Variants in LRP1B observed in about 807,000 individuals in gnomAD.
LRP1B encodes the protein low-density lipoprotein receptor-related protein 1B.
In LRP1B, 217 loss-of-function variants were observed where a neutral mutation model predicts 556.6. The observed-to-expected ratio is 0.39, with a 90% confidence interval of 0.35 to 0.44. LRP1B has a LOEUF of 0.44. LRP1B is among the 20% of genes least tolerant of loss of function. The pLI is 1.00. For synonymous variants in LRP1B, 2,047 were observed against 1,865.8 expected (o/e 1.10, Z -2.50); for missense variants, 5,053 against 5,620.8 (o/e 0.90, Z 3.23).
intron 1 of LRP1B, among the ~76,000 whole-genome samples, chr2:141,914,981 A>G (rs1459654501): frequency 1.3e-5 from 2 of 152,194 alleles, no homozygotes; most frequent in African/African-American, 4.8e-5. Flanking sequence ...ATCATTTTTC[A>G]TAGAATTAGA....
At chr2:141,245,565 G>T (rs1413518166) in intron 5 of LRP1B, among the ~76,000 whole-genome samples, 1 of 152,118 alleles carries the variant, frequency 6.6e-6, no homozygotes, top group Admixed American at 6.5e-5. Context: ...TACCTTTGGA[G>T]GAAGTTAGAA....
chr2:141,919,141 T>C (rs1308408232), intron 1 of LRP1B, among the ~76,000 whole-genome samples: 5 of 152,250 alleles, frequency 3.3e-5, no homozygotes, highest in African/African-American at 9.6e-5. Context: ...GTTTTACACT[T>C]GTGTATTGGA....
chr2:140,899,740 C>T (rs922771244), intron 23 of LRP1B, among the ~76,000 whole-genome samples: 1 of 152,072 alleles, frequency 6.6e-6, no homozygotes, highest in African/African-American at 2.4e-5. Flanking sequence ...AAAATGTTCC[C>T]CAAGGCTGCA....
intron 2 of LRP1B, among the ~76,000 whole-genome samples, chr2:141,783,787 G>C (rs1171387145): frequency 6.6e-6 from 1 of 151,410 alleles, no homozygotes; most frequent in Non-Finnish European, 1.5e-5. Context: ...ATTAGATTTG[G>C]TACTAAAATG....
chr2:141,783,185 G>GTA, intron 2 of LRP1B, among the ~76,000 whole-genome samples: 1 of 152,118 alleles, frequency 6.6e-6, no homozygotes, highest in South Asian at 2.1e-4. Flanking sequence ...ATAATTTACC[G>GTA]TATCCCCAGC....
At chr2:141,318,016 A>G (rs1280642646) in intron 3 of LRP1B, among the ~76,000 whole-genome samples, 2 of 152,166 alleles carry the variant, frequency 1.3e-5, no homozygotes, top group African/African-American at 4.8e-5. Context: ...TGCAGTCAAA[A>G]CAACAAAACA....
At chr2:140,583,057 C>A (rs1564933) in intron 43 of LRP1B, among the ~76,000 whole-genome samples, 78,391 of 151,726 alleles carry the variant, frequency 0.52, 20,752 homozygotes, top group Admixed American at 0.6. Flanking sequence ...AGATTGTACA[C>A]ATTTGCAGTA....
At chr2:140,556,390 C>T (rs1360122889) in intron 43 of LRP1B, among the ~76,000 whole-genome samples, 2 of 151,960 alleles carry the variant, frequency 1.3e-5, no homozygotes, top group African/African-American at 2.4e-5. Flanking sequence ...TCTGAATAAA[C>T]AGGCCTTACT....
At chr2:141,672,220 G>A (rs1199479572) in intron 2 of LRP1B, among the ~76,000 whole-genome samples, 2 of 151,918 alleles carry the variant, frequency 1.3e-5, no homozygotes, top group African/African-American at 4.8e-5. Context: ...GATAATAATG[G>A]CTAGAGTTTC....
intron 41 of LRP1B, among the ~76,000 whole-genome samples, chr2:140,638,812 T>C (rs1684168700): frequency 6.6e-6 from 1 of 151,124 alleles, no homozygotes; most frequent in South Asian, 2.1e-4. Context: ...CATATATACA[T>C]GTATATATAC....
chr2:141,069,168 C>T (rs1010860016), intron 7 of LRP1B, among the ~76,000 whole-genome samples: 14 of 152,008 alleles, frequency 9.2e-5, no homozygotes, highest in African/African-American at 3.1e-4. Context: ...ATCCTTATCC[C>T]CACTTCACCC....
chr2:141,725,088 T>C (rs1329426775), intron 2 of LRP1B, among the ~76,000 whole-genome samples: 1 of 151,918 alleles, frequency 6.6e-6, no homozygotes, highest in Non-Finnish European at 1.5e-5. Flanking sequence ...ATGGCACAAG[T>C]ATCACATAGT....
chr2:141,649,250 G>A (rs541259126), intron 2 of LRP1B, among the ~76,000 whole-genome samples: 1 of 152,132 alleles, frequency 6.6e-6, no homozygotes, highest in Non-Finnish European at 1.5e-5. Context: ...GGGAGGTTGA[G>A]AGTATTCTGA....
chr2:140,914,184 T>A (rs912358891), intron 21 of LRP1B, among the ~76,000 whole-genome samples: 1 of 151,754 alleles, frequency 6.6e-6, no homozygotes, highest in Non-Finnish European at 1.5e-5. Flanking sequence ...GTGGATAGAG[T>A]GGATTGAAGC....
chr2:140,912,516 C>G (rs1694449861), intron 21 of LRP1B, among the ~76,000 whole-genome samples: 1 of 151,346 alleles, frequency 6.6e-6, no homozygotes, highest in Admixed American at 6.6e-5. Context: ...TTCAAGTAAC[C>G]AAGTAAATCA....
intron 7 of LRP1B, among the ~76,000 whole-genome samples, chr2:141,067,416 T>C (rs1361055936): frequency 6.6e-6 from 1 of 152,006 alleles, no homozygotes; most frequent in African/African-American, 2.4e-5. Flanking sequence ...GATTTCACTT[T>C]TGTTGTTTGA....
In LRP1B at chr2:141,017,912, G is replaced by A. The variant is rs1173321690; in HGVS notation, c.1971-1997C>T. On this transcript the variant is annotated intron_variant, in intron 12 of 90. Coordinates refer to ENST00000389484, the MANE Select transcript of LRP1B (RefSeq NM_018557.3). The stretch of plus-strand genomic sequence containing the variant: ...GTCTCAAAGCTGAGGTGGGAGAATC[G>A]ATCACTTGAGTCCAGGCTATCGAGG... Among the ~76,000 whole-genome samples the A allele has an allele frequency of 5.3e-5, 8 of 151,160 alleles. No homozygotes were observed. In the South Asian group the frequency reaches 1.0e-3, roughly 20 times the overall value.
intron 2 of LRP1B, among the ~76,000 whole-genome samples, chr2:141,485,189 T>C (rs1398050906): frequency 6.6e-6 from 1 of 152,200 alleles, no homozygotes; most frequent in Non-Finnish European, 1.5e-5. Flanking sequence ...GACTAGCCAC[T>C]ACAGTCTTTA....
chr2:141,145,442 A>C (rs898653027), intron 7 of LRP1B, among the ~76,000 whole-genome samples: 8 of 152,180 alleles, frequency 5.3e-5, no homozygotes, highest in African/African-American at 1.9e-4. Flanking sequence ...TTTTAAAGAC[A>C]CATAAAGCTC....
Sources: gnomAD v4.1 joint callset for allele counts (sites outside exome capture counted in the v4.1 genomes callset) on GRCh38, gnomAD v4.1.1 for gene constraint, MANE v1.5 for transcripts, NCBI Gene and HGNC (gene_info 2026-07-23, HGNC 2026-07-21) for gene names.